GALNT13: variants seen among roughly 807,000 people sequenced by gnomAD.
GALNT13 encodes UDP-GalNAc:polypeptide N-acetylgalactosaminyltransferase 13.
Under a neutral mutation model 64.2 loss-of-function variants are expected in GALNT13, and 28 were observed. The observed-to-expected ratio is 0.44, with a 90% CI of 0.32 to 0.60. The LOEUF (loss-of-function observed/expected upper bound fraction) is 0.60. GALNT13 is among the 20% of genes least tolerant of loss of function. The pLI is 0.05. For synonymous variants in GALNT13, 214 were observed against 224.6 expected (o/e 0.95, Z 0.42); for missense variants, 577 against 669.8 (o/e 0.86, Z 1.53).
the GALNT13 span, among the ~76,000 whole-genome samples, chr2:153,400,334 T>C: frequency 6.6e-6 from 1 of 152,214 alleles, no homozygotes; most frequent in East Asian, 1.9e-4. Context: ...TGCCAGTATT[T>C]TATTGAGGAT....
chr2:153,515,285 C>T, the GALNT13 span, among the ~76,000 whole-genome samples: 1 of 152,176 alleles, frequency 6.6e-6, no homozygotes, highest in Non-Finnish European at 1.5e-5. Context: ...ATGACCCCAC[C>T]TCTCTGCCGT....
chr2:153,095,868 A>G, the GALNT13 span, among the ~76,000 whole-genome samples: 1 of 152,034 alleles, frequency 6.6e-6, no homozygotes, highest in African/African-American at 2.4e-5. Context: ...GGGGAACATC[A>G]CACACCGGGG....
chr2:154,339,620 A>G (rs936626602), intron 9 of GALNT13, among the ~76,000 whole-genome samples: 1 of 152,182 alleles, frequency 6.6e-6, no homozygotes, highest in African/African-American at 2.4e-5. Context: ...GAAGTTTTAC[A>G]AAGAGTTTTA....
chr2:153,999,308 C>A (rs975859253), intron 3 of GALNT13, among the ~76,000 whole-genome samples: 30 of 135,242 alleles, frequency 2.2e-4, no homozygotes, highest in African/African-American at 7.9e-4. Context: ...TCATTTATTT[C>A]TTTCTCTGGC....
At chr2:154,192,711 T>C (rs1686662849) in intron 4 of GALNT13, among the ~76,000 whole-genome samples, 1 of 152,198 alleles carries the variant, frequency 6.6e-6, no homozygotes, top group South Asian at 2.1e-4. Flanking sequence ...TTTTTAGAAA[T>C]ATTATTTAAG....
At chr2:153,369,459 G>A in the GALNT13 span, among the ~76,000 whole-genome samples, 8 of 151,980 alleles carry the variant, frequency 5.3e-5, no homozygotes, top group South Asian at 1.5e-3. Context: ...ACCAATATCA[G>A]AAACAAAGGA....
At chr2:153,371,320 C>T in the GALNT13 span, among the ~76,000 whole-genome samples, 1 of 151,898 alleles carries the variant, frequency 6.6e-6, no homozygotes, top group African/African-American at 2.4e-5. Context: ...TAATATTGTC[C>T]TATAAATCCA....
At chr2:154,188,948 T>G (rs2105749543) in intron 4 of GALNT13, among the ~76,000 whole-genome samples, 1 of 152,292 alleles carries the variant, frequency 6.6e-6, no homozygotes, top group East Asian at 1.9e-4. Context: ...TTGCAACAAC[T>G]TAATAACTAG....
intron 4 of GALNT13, chr2:154,236,058 G>A: frequency 8.0e-7 from 1 of 1,247,364 alleles, no homozygotes; most frequent in Non-Finnish European, 1.0e-6. Flanking sequence ...AATAGACCAT[G>A]AGAACAGCAT....
At chr2:153,521,162 A>G in the GALNT13 span, among the ~76,000 whole-genome samples, 2 of 152,214 alleles carry the variant, frequency 1.3e-5, no homozygotes, top group African/African-American at 4.8e-5. Flanking sequence ...GTTTTAAAGC[A>G]TAGTCCTTCT....
chr2:154,096,871 A>C (rs2105452556), intron 3 of GALNT13, among the ~76,000 whole-genome samples: 1 of 152,148 alleles, frequency 6.6e-6, no homozygotes, highest in Admixed American at 6.6e-5. Context: ...ACAGCTTATT[A>C]AGAGGGCAAA....
chr2:153,972,799 A>T (rs568363093), intron 3 of GALNT13, among the ~76,000 whole-genome samples: 3 of 152,092 alleles, frequency 2.0e-5, no homozygotes, highest in Admixed American at 6.6e-5. Flanking sequence ...TCTTCCTTTA[A>T]TGAAGTGGAA....
At chr2:153,419,607 A>G in the GALNT13 span, among the ~76,000 whole-genome samples, 1 of 152,196 alleles carries the variant, frequency 6.6e-6, no homozygotes. Flanking sequence ...TGTATTGACT[A>G]TTGTTATAGT....
intron 11 of GALNT13, chr2:154,437,430 A>G (rs1043952301): frequency 1.4e-6 from 1 of 738,486 alleles, no homozygotes. Context: ...TTTGAGAAAC[A>G]AAAAGACCCT....
At chr2:154,284,922 C>T (rs1205877803) in intron 8 of GALNT13, among the ~76,000 whole-genome samples, 2 of 152,050 alleles carry the variant, frequency 1.3e-5, no homozygotes, top group Non-Finnish European at 2.9e-5. Flanking sequence ...AATAGCCATT[C>T]TAATAGATGT....
At chr2:153,671,462 G>C in the GALNT13 span, among the ~76,000 whole-genome samples, 12 of 152,188 alleles carry the variant, frequency 7.9e-5, no homozygotes, top group Non-Finnish European at 1.5e-4. Flanking sequence ...AGTTTCATAA[G>C]TGAAGGAGAA....
chr2:153,209,711 G>A, the GALNT13 span, among the ~76,000 whole-genome samples: 27 of 151,878 alleles, frequency 1.8e-4, no homozygotes, highest in African/African-American at 6.3e-4. Context: ...AAATCCTGCC[G>A]GGATTTTGAT....
At chr2:154,059,962 T>TG (rs1200185623) in intron 3 of GALNT13, among the ~76,000 whole-genome samples, 1 of 152,122 alleles carries the variant, frequency 6.6e-6, no homozygotes, top group Non-Finnish European at 1.5e-5. Flanking sequence ...TATGTTGAAA[T>TG]CCTAATCCCT....
the GALNT13 span, among the ~76,000 whole-genome samples, chr2:153,384,364 T>G: frequency 1.3e-5 from 2 of 152,040 alleles, no homozygotes; most frequent in Non-Finnish European, 2.9e-5. Flanking sequence ...TTTTTAAAAC[T>G]TCGTGTTCTT....
Sources: gnomAD v4.1 joint callset for allele counts (sites outside exome capture counted in the v4.1 genomes callset) on GRCh38, gnomAD v4.1.1 for gene constraint, MANE v1.5 for transcripts, NCBI Gene and HGNC (gene_info 2026-07-23, HGNC 2026-07-21) for gene names.